The following RALGAPB variants were observed in gnomAD, a reference collection of about 807,000 sequenced individuals.
RALGAPB encodes the protein ral GTPase-activating protein subunit beta.
In RALGAPB, 25 loss-of-function variants were observed where a neutral mutation model predicts 161.1. The ratio of observed to expected loss-of-function variants is 0.16; its 90% confidence interval spans 0.11 to 0.22. The LOEUF (loss-of-function observed/expected upper bound fraction) is 0.22, where lower values mean the gene tolerates loss of function less well. RALGAPB is among the 10% of genes least tolerant of loss of function. RALGAPB has a pLI of 1.00. For synonymous variants in RALGAPB, 629 were observed against 626.1 expected (o/e 1.00, Z -0.07); for missense variants, 1,391 against 1,815.2 (o/e 0.77, Z 4.25).
Position 38,574,848 on chromosome 20 carries a change from C to A in RALGAPB, c.4366C>A (p.His1456Asn), listed in dbSNP as rs749057213. 1.2e-5 allele frequency: 19 copies of A among 1,613,648 alleles called. No individual in the cohort carries two copies. The East Asian group carries it at 1.8e-4, about 15-fold the overall frequency. ...RLESDSYSPP[H>N]VRRKQKITDI... is the part of the protein sequence containing the mutation. ...GGAAAGTGACTCCTACAGTCCCCCC[C>A]ATGTCCGCCGGAAACAGAAAATCAC... Residue 1456 changes from histidine to asparagine, a missense_variant, in exon 30 of 30, where the codon CAT becomes AAT. His to Asn is a moderately conservative substitution (Grantham distance 68). This residue lies in a region of RALGAPB where 436 missense variants were observed against 527.0 expected (regional missense o/e 0.83). Coordinates refer to ENST00000262879, the MANE Select transcript of RALGAPB (RefSeq NM_020336.4).
intron 10 of RALGAPB, 134 bp from the exon 11 acceptor site, chr20:38,524,644 C>G: frequency 2.9e-6 from 2 of 683,314 alleles, no homozygotes. Context: ...TCCAGTAATT[C>G]CAATAATGTC....
intron 26 of RALGAPB, chr20:38,569,592 C>T (rs1479257023): frequency 1.9e-5 from 5 of 263,318 alleles, no homozygotes; most frequent in East Asian, 7.1e-5. Context: ...TCTTTTAAGC[C>T]CTCATTAAGA....
chr20:38,537,279 T>C (rs1821369501), intron 16 of RALGAPB, among the ~76,000 whole-genome samples: 1 of 152,012 alleles, frequency 6.6e-6, no homozygotes, highest in Non-Finnish European at 1.5e-5. Context: ...ATAAAACAAT[T>C]GGATAGTCAT....
chr20:38,551,367 T>A, intron 21 of RALGAPB, 144 bp downstream of exon 21: 1 of 935,126 alleles, frequency 1.1e-6, no homozygotes, highest in Non-Finnish European at 1.6e-6. Context: ...TTGCCATGTT[T>A]AAGACGAATA....
chr20:38,563,144 T>G (rs6070623), intron 24 of RALGAPB, among the ~76,000 whole-genome samples: 17,099 of 152,150 alleles, frequency 0.11, 2,603 homozygotes, highest in African/African-American at 0.35. Flanking sequence ...AGTAACAGTT[T>G]ATATATTCTA....
intron 6 of RALGAPB, among the ~76,000 whole-genome samples, chr20:38,510,603 C>A (rs2085911968): frequency 6.6e-6 from 1 of 152,146 alleles, no homozygotes; most frequent in Non-Finnish European, 1.5e-5. Flanking sequence ...GCTGCTTTAG[C>A]AAATGAACTT....
At chr20:38,543,809 T>C (rs1037491061) in intron 18 of RALGAPB, among the ~76,000 whole-genome samples, 1 of 152,210 alleles carries the variant, frequency 6.6e-6, no homozygotes, top group Non-Finnish European at 1.5e-5. Flanking sequence ...CCTTTGGTTA[T>C]TCTGCTTCTG....
In RALGAPB at chr20:38,578,389, A is replaced by G. The variant is rs2088513341; in HGVS notation, c.*3422A>G. ...TTCTTCAGATGCTTTTCTTTTTTTA[A>G]TGGTGAGGGAAAAGGTATAATTTGG... On this transcript the variant is annotated 3_prime_UTR_variant, in exon 30 of 30. Transcript: ENST00000262879. 6.6e-6 allele frequency: 1 copy of G among 152,402 alleles called. No individual in the cohort carries two copies. 9.4% of individuals were successfully genotyped at this position (152,402 alleles called of 1,614,324 possible). A position where few individuals can be genotyped will look rare whatever the true frequency, so the allele number is the denominator to read the frequency against.
At chr20:38,493,838 T>C in intron 3 of RALGAPB, among the ~76,000 whole-genome samples, 1 of 152,226 alleles carries the variant, frequency 6.6e-6, no homozygotes, top group Non-Finnish European at 1.5e-5. Flanking sequence ...GTAAACAGCA[T>C]ACCATGCATG....
At chr20:38,535,652 G>A (rs9917471) in intron 16 of RALGAPB, among the ~76,000 whole-genome samples, 10,911 of 147,932 alleles carry the variant, frequency 0.074, 1,384 homozygotes, top group African/African-American at 0.26. Context: ...TAGCGTAGTC[G>A]TGCAAACTTG....
chr20:38,484,897 G>A (rs1282236094), intron 1 of RALGAPB, among the ~76,000 whole-genome samples: 1 of 152,082 alleles, frequency 6.6e-6, no homozygotes, highest in African/African-American at 2.4e-5. Flanking sequence ...GTTTTTCCAT[G>A]TTGGTCAGGC....
At chr20:38,496,834 T>A (rs1332499594) in intron 3 of RALGAPB, among the ~76,000 whole-genome samples, 1 of 152,226 alleles carries the variant, frequency 6.6e-6, no homozygotes, top group Admixed American at 6.5e-5. Context: ...TTTGGGGACC[T>A]ATTAGGCTAT....
chr20:38,525,535 G>A lies in RALGAPB; in HGVS notation c.1902+17G>A, dbSNP rs199823532. ...AAATCTGAGGTAATGTTTTGTTAAA[G>A]TTTTTTTATATCCTATATTCTGTTT... On this transcript the variant is annotated intron_variant, in intron 12 of 29. Transcript: ENST00000262879. The A allele has an allele frequency of 8.7e-5, 132 of 1,521,994 alleles. 1 individual carries two copies. The highest frequency in any genetic ancestry group is 6.8e-4 in the South Asian group (59 of 86,978). 94.3% of individuals were successfully genotyped at this position (1,521,994 alleles called of 1,614,324 possible). A position where few individuals can be genotyped will look rare whatever the true frequency, so the allele number is the denominator to read the frequency against.
Position 38,513,056 on chromosome 20 carries a change from G to A in RALGAPB, c.873-3136G>A, listed in dbSNP as rs537442823. Among the ~76,000 whole-genome samples the A allele has an allele frequency of 3.6e-3, 547 of 150,624 alleles. 1 individual carries two copies. Among genetic ancestry groups the A allele is most frequent in the Admixed American group, 9.3e-3 (141 of 15,120 alleles). ...ATTACAGGCTTGAGCCACCACGCCC[G>A]GCCAGCAATTAAAAATTTTTAAAAA... On this transcript the variant is annotated intron_variant, in intron 6 of 29. Coordinates refer to ENST00000262879, the MANE Select transcript of RALGAPB (RefSeq NM_020336.4).
At chr20:38,552,422 G>T (rs1176940692) in intron 21 of RALGAPB, among the ~76,000 whole-genome samples, 1 of 152,156 alleles carries the variant, frequency 6.6e-6, no homozygotes, top group African/African-American at 2.4e-5. Flanking sequence ...GAGAATTACA[G>T]GTGTAAGCCA....
chr20:38,517,488 CTTTTTTTTT>C lies in RALGAPB; in HGVS notation c.1052-12_1052-4del. 7.6e-7 allele frequency: 1 copy of C among 1,315,236 alleles called. No individual in the cohort carries two copies. Among genetic ancestry groups the C allele is most frequent in the Non-Finnish European group, 1.0e-6 (1 of 976,358 alleles). The allele number at this position is 1,315,236 out of a possible 1,614,324, so 81.5% of individuals were successfully genotyped here. A position where few individuals can be genotyped will look rare whatever the true frequency, so the allele number is the denominator to read the frequency against. ...ACCTATGAAGAATAATTTCATTTGT[CTTTTTTTTT>C]TTTTTAAGGTATTTCTAGACCCCGA... is the stretch of plus-strand genomic sequence containing the variant. On this transcript the variant is annotated splice_polypyrimidine_tract_variant and intron_variant, in intron 7 of 29. Transcript: ENST00000262879.
At chr20:38,525,138 G>T (rs960366069) in intron 11 of RALGAPB, among the ~76,000 whole-genome samples, 193 bp downstream of exon 11, 1 of 152,146 alleles carries the variant, frequency 6.6e-6, no homozygotes, top group Non-Finnish European at 1.5e-5. Context: ...TTGTCTGTGG[G>T]CTTGTTGAAT....
chr20:38,489,875 C>T (rs2085225329), intron 2 of RALGAPB, among the ~76,000 whole-genome samples: 1 of 152,136 alleles, frequency 6.6e-6, no homozygotes, highest in South Asian at 2.1e-4. Flanking sequence ...CTTCCTGGTG[C>T]GTTTGTGATC....
chr20:38,570,921 A>G, intron 28 of RALGAPB, 74 bp downstream of exon 28: 1 of 1,010,768 alleles, frequency 9.9e-7, no homozygotes, highest in Non-Finnish European at 1.5e-6. Flanking sequence ...TAAATAAGGA[A>G]TTATGAAACG....
Sources: gnomAD v4.1 joint callset for allele counts (sites outside exome capture counted in the v4.1 genomes callset) on GRCh38, gnomAD v4.1.1 for gene constraint, gnomAD v4.1.1 regional missense constraint, MANE v1.5 for transcripts, NCBI Gene and HGNC (gene_info 2026-07-23, HGNC 2026-07-21) for gene names.